The following CELF2 variants were observed in gnomAD, a reference collection of about 807,000 sequenced individuals.
CELF2 encodes CUG triplet repeat RNA-binding protein 2.
CELF2 carries 8 observed loss-of-function variants against 62.6 expected under a neutral mutation model. The observed-to-expected ratio is 0.13, with a 90% CI of 0.07 to 0.23. The LOEUF is 0.23. CELF2 is among the 10% of genes least tolerant of loss of function. The probability of loss-of-function intolerance (pLI) is 1.00; values close to 1 mark genes in which losing one functional copy is unlikely to be tolerated. For synonymous variants in CELF2, 258 were observed against 250.0 expected, an observed-to-expected ratio of 1.03 and a Z score of -0.30; for missense variants, 333 against 671.0, an observed-to-expected ratio of 0.50 and a Z score of 5.56.
the CELF2 span, among the ~76,000 whole-genome samples, chr10:10,546,035 C>T: frequency 6.6e-6 from 1 of 152,138 alleles, no homozygotes; most frequent in African/African-American, 2.4e-5. Flanking sequence ...CTAAACCCCT[C>T]AGGATATAGG....
intron 2 of CELF2, among the ~76,000 whole-genome samples, chr10:11,167,605 C>T (rs2067602737): frequency 6.6e-6 from 1 of 152,198 alleles, no homozygotes; most frequent in South Asian, 2.1e-4. Context: ...CTCTCTTGCC[C>T]AGATGTTCCT....
Position 10,905,514 on chromosome 10 carries a change from TAGG to T in CELF2, c.54-14446_54-14444del, listed in dbSNP as rs1384632906. Reference sequence around the variant, plus strand: ...ATCCCAGCACTTAGGGAGGCCAAGGTAGGAGGTTCACTTGAGGCCAGGAGTTCG... The same window carrying T: ...ATCCCAGCACTTAGGGAGGCCAAGGTAGGTTCACTTGAGGCCAGGAGTTCG... On this transcript the variant is annotated intron_variant, in intron 1 of 13. Coordinates refer to the CELF2 transcript ENST00000636488. 6.1e-5 allele frequency among the ~76,000 whole-genome samples: 9 copies of T among 147,008 alleles called. No individual in the cohort carries two copies. The South Asian group carries it at 6.5e-4, about 11-fold the overall frequency.
rs1200971233 is a variant in CELF2 at position 11,191,586 on chromosome 10, G to A, written c.272-25839G>A. Among the ~76,000 whole-genome samples, 1 of 152,166 alleles carries A rather than the reference G, an allele frequency of 6.6e-6. No homozygotes were observed. The highest frequency in any genetic ancestry group is 1.5e-5 in the Non-Finnish European group (1 of 68,022). Reference sequence around the variant, plus strand: ...TCTGAAGTCACTGAGTAGCAGGGGAGGTTGGAGCCTGGGGCACCCCATGGC... The same window carrying A: ...TCTGAAGTCACTGAGTAGCAGGGGAAGTTGGAGCCTGGGGCACCCCATGGC... On this transcript the variant is annotated intron_variant, in intron 2 of 12. Coordinates refer to ENST00000633077, the MANE Select transcript of CELF2 (RefSeq NM_001326342.2). This position sits in a 1 kb window ranked among gnomAD's most constrained non-coding sequence, Gnocchi z 4.1.
At chr10:10,531,997 T>C in the CELF2 span, among the ~76,000 whole-genome samples, 36 of 152,204 alleles carry the variant, frequency 2.4e-4, no homozygotes, top group Non-Finnish European at 4.9e-4. Flanking sequence ...ATTGACTGGG[T>C]GCTCAGACAG....
upstream of CELF2, among the ~76,000 whole-genome samples, chr10:10,796,580 C>A (rs1387567363): frequency 3.3e-5 from 5 of 152,224 alleles, no homozygotes; most frequent in Non-Finnish European, 7.3e-5. Context: ...TTCCCCAGAC[C>A]TGAATCTCCC....
At chr10:10,665,589 A>G in the CELF2 span, among the ~76,000 whole-genome samples, 1 of 152,218 alleles carries the variant, frequency 6.6e-6, no homozygotes, top group African/African-American at 2.4e-5. Flanking sequence ...TTTCGTAAGT[A>G]TCCATTTTGT....
At chr10:11,216,663 G>A (rs549579075) in intron 2 of CELF2, among the ~76,000 whole-genome samples, 75 of 152,218 alleles carry the variant, frequency 4.9e-4, no homozygotes, top group Non-Finnish European at 9.6e-4. Flanking sequence ...TGGTGGAGGA[G>A]GTTGGCTGGA....
intron 1 of CELF2, among the ~76,000 whole-genome samples, chr10:10,914,430 C>T (rs905000747): frequency 3.2e-4 from 49 of 152,290 alleles, no homozygotes; most frequent in African/African-American, 9.9e-4. Flanking sequence ...GCTGGCATCA[C>T]GCTTTGCACT....
At chr10:10,728,534 C>A in the CELF2 span, among the ~76,000 whole-genome samples, 1 of 151,376 alleles carries the variant, frequency 6.6e-6, no homozygotes, top group South Asian at 2.1e-4. Context: ...GAAGGCCTGG[C>A]ATTTGGCACT....
At chr10:10,754,768 T>C in the CELF2 span, among the ~76,000 whole-genome samples, 2 of 152,344 alleles carry the variant, frequency 1.3e-5, no homozygotes, top group Admixed American at 6.5e-5. Flanking sequence ...ATTTGAATTC[T>C]ACGTGTTCTC....
the CELF2 span, among the ~76,000 whole-genome samples, chr10:10,618,121 C>T: frequency 2.0e-5 from 3 of 152,082 alleles, no homozygotes; most frequent in Non-Finnish European, 4.4e-5. Flanking sequence ...CCGACACAGA[C>T]AGCTCTTGGT....
intron 2 of CELF2, among the ~76,000 whole-genome samples, chr10:11,174,983 AGT>A (rs2133806572): frequency 6.6e-6 from 1 of 152,292 alleles, no homozygotes; most frequent in Non-Finnish European, 1.5e-5. Flanking sequence ...GGGATGCCTT[AGT>A]AATCTGAATT....
chr10:10,950,679 CTTAT>C (rs1197018953), intron 2 of CELF2, among the ~76,000 whole-genome samples: 1 of 152,194 alleles, frequency 6.6e-6, no homozygotes, highest in Non-Finnish European at 1.5e-5. Context: ...ATATCGTTTA[CTTAT>C]TTATCATTTT....
At chr10:10,506,269 CGT>C in the CELF2 span, among the ~76,000 whole-genome samples, 20,798 of 146,684 alleles carry the variant, frequency 0.14, 1,486 homozygotes, top group Middle Eastern at 0.23. Context: ...AGATGCACTT[CGT>C]GTGTGTGTGT....
chr10:11,173,214 A>C (rs61702993), intron 2 of CELF2, among the ~76,000 whole-genome samples: 5,521 of 152,320 alleles, frequency 0.036, 336 homozygotes, highest in African/African-American at 0.12. Context: ...TTAGGCAACC[A>C]GTCCTTTGGA....
At position 11,314,222 on chromosome 10, in the gene CELF2, G is replaced by C; in HGVS notation, c.1060G>C (p.Ala354Pro). ...CGGGACTCTGCAAGGACTGGCTGGAGCCACTGTTGGACTGAATAATATTAA... is the reference window on the plus strand; with the variant it reads ...CGGGACTCTGCAAGGACTGGCTGGACCCACTGTTGGACTGAATAATATTAA... Reference protein sequence around the residue: ...SLGTLQGLAGATVGLNNINAL... With the variant: ...SLGTLQGLAGPTVGLNNINAL... The change falls in exon 10 of 13, where the codon GCC (alanine) becomes CCC (proline). Residue 354 changes from alanine (A) to proline (P), a missense_variant. By Grantham distance (27) the Ala-to-Pro change is conservative. This residue lies in a region of CELF2 where 253 missense variants were observed against 503.0 expected (regional missense o/e 0.50). Coordinates refer to ENST00000633077, the MANE Select transcript of CELF2 (RefSeq NM_001326342.2). The surrounding 1 kb of genome is among the most constrained non-coding windows in gnomAD (Gnocchi z 5.3). The C allele has an allele frequency of 1.2e-6, 2 of 1,614,160 alleles. No individual in the cohort carries two copies. The highest frequency in any genetic ancestry group is 1.7e-6 in the Non-Finnish European group (2 of 1,180,002).
chr10:10,872,716 G>T (rs1033879968), intron 1 of CELF2, among the ~76,000 whole-genome samples: 3 of 152,142 alleles, frequency 2.0e-5, no homozygotes, highest in African/African-American at 7.2e-5. Flanking sequence ...ATAGCCTGGT[G>T]GCTTTTATGG....
intron 1 of CELF2, among the ~76,000 whole-genome samples, chr10:11,006,246 A>AT (rs1196584842): frequency 9.9e-5 from 15 of 151,974 alleles, no homozygotes; most frequent in Non-Finnish European, 2.1e-4. Flanking sequence ...CTGGGGCTTT[A>AT]TTTTTTTCTT....
intron 3 of CELF2, among the ~76,000 whole-genome samples, chr10:11,225,804 GGTAA>G (rs1420682101): frequency 2.0e-5 from 3 of 152,096 alleles, no homozygotes; most frequent in East Asian, 1.9e-4. Flanking sequence ...AGCTAACATG[GGTAA>G]GTGACTCCTC....
Sources: allele counts gnomAD v4.1 joint callset (sites outside exome capture counted in the v4.1 genomes callset), GRCh38; gene constraint gnomAD v4.1.1; regional missense constraint gnomAD v4.1.1; non-coding constraint Gnocchi (gnomAD v3.1); transcripts MANE v1.5; gene names NCBI Gene and HGNC (gene_info 2026-07-23, HGNC 2026-07-21).